Variants in POLA2 observed in about 807,000 individuals in gnomAD.
The protein encoded by POLA2 is DNA polymerase alpha subunit B.
POLA2 carries 47 observed loss-of-function variants against 82.8 expected under a neutral mutation model. That is an observed-to-expected ratio of 0.57 (90% CI 0.45 to 0.72). The LOEUF (loss-of-function observed/expected upper bound fraction) is 0.72. POLA2 is among the 30% of genes least tolerant of loss of function. The pLI, the probability that POLA2 is intolerant of heterozygous loss-of-function variation, is 0.00. For missense variants in POLA2, 634 were observed against 728.1 expected (o/e 0.87, Z 1.49); for synonymous variants, 287 against 286.8 (o/e 1.00, Z -0.01).
At position 65,275,994 on chromosome 11, in the gene POLA2, C is replaced by G. The variant is rs776274770; in HGVS notation, c.457C>G (p.Pro153Ala). Reference protein sequence around the residue: ...HQLLSPSSFSPSATPSQKYNS... With the variant: ...HQLLSPSSFSASATPSQKYNS... ...GCTACTCTCACCGTCAAGTTTCTCT[C>G]CAAGGTATGGATCATAATTCATTCA... Residue 153 changes from proline (P) to alanine (A), a missense_variant, in exon 5 of 18, where the codon CCA (proline) becomes GCA (alanine). Physicochemically the swap from Pro to Ala is conservative, Grantham distance 27 (BLOSUM62 -1). Transcript: ENST00000265465. The G allele has an allele frequency of 1.8e-5, 28 of 1,585,912 alleles. No individual in the cohort carries two copies. The highest frequency in any genetic ancestry group is 2.3e-5 in the Non-Finnish European group (27 of 1,160,524).
Position 65,262,105 on chromosome 11 carries a change from C to G in POLA2, c.-188C>G. ...CCTTCATTTTTTAAAAAAAGTATTT[C>G]TCTGTGACCGACGGCCGGGGCCTTC... On this transcript the variant is annotated 5_prime_UTR_variant, in exon 1 of 18. Coordinates refer to ENST00000265465, the MANE Select transcript of POLA2 (RefSeq NM_002689.4). The G allele has an allele frequency of 1.7e-6, 1 of 576,558 alleles. No individual in the cohort carries two copies. The highest frequency in any genetic ancestry group is 2.1e-5 in the South Asian group (1 of 47,720). 35.7% of individuals were successfully genotyped at this position (576,558 alleles called of 1,614,324 possible).
exon 9 of POLA2, chr11:65,305,586 A>G (rs1427614940): frequency 8.3e-6 from 3 of 361,696 alleles, no homozygotes; most frequent in African/African-American, 6.4e-5. Flanking sequence ...AGGCGGGAGG[A>G]TGGCTTAAGC....
intron 5 of POLA2, among the ~76,000 whole-genome samples, 199 bp from the exon 6 acceptor site, chr11:65,278,531 G>C (rs1266417796): frequency 1.3e-5 from 2 of 152,176 alleles, no homozygotes; most frequent in Non-Finnish European, 2.9e-5. Context: ...GTATTCCTCA[G>C]CCTGGTATTC....
chr11:65,285,446 T>TA (rs1336603781), intron 10 of POLA2, among the ~76,000 whole-genome samples: 1 of 151,302 alleles, frequency 6.6e-6, no homozygotes, highest in Non-Finnish European at 1.5e-5. Context: ...CATGTGCCTA[T>TA]AGTCCCAGCA....
intron 8 of POLA2, 89 bp downstream of exon 8, chr11:65,281,236 C>A: frequency 1.5e-6 from 2 of 1,352,824 alleles, no homozygotes; most frequent in South Asian, 1.3e-5. Flanking sequence ...CTCCTCAGTT[C>A]CTGTCTCTGC....
chr11:65,264,262 T>C (rs1590888433), intron 1 of POLA2, among the ~76,000 whole-genome samples: 1 of 152,146 alleles, frequency 6.6e-6, no homozygotes, highest in South Asian at 2.1e-4. Flanking sequence ...AGAGATGGGG[T>C]TTCGCCATGT....
At chr11:65,274,802 A>G (rs191432599) in intron 4 of POLA2, among the ~76,000 whole-genome samples, 37 of 152,356 alleles carry the variant, frequency 2.4e-4, no homozygotes, top group African/African-American at 7.9e-4. Flanking sequence ...TATAATTTGT[A>G]TATTCTAATT....
chr11:65,294,067 C>A (rs1451402984), intron 13 of POLA2, 86 bp from the exon 14 acceptor site: 2 of 1,142,896 alleles, frequency 1.7e-6, no homozygotes, highest in Admixed American at 1.7e-5. Context: ...TGCCTCCAGC[C>A]TGAGGCATCC....
At chr11:65,289,928 T>G (rs1178089622) in intron 13 of POLA2, 56 bp downstream of exon 13, 2 of 1,182,500 alleles carry the variant, frequency 1.7e-6, no homozygotes, top group Non-Finnish European at 1.3e-6. Context: ...CTCCAGAGCT[T>G]CCCATTAAGA....
chr11:65,278,310 C>T (rs1949602586), intron 5 of POLA2, among the ~76,000 whole-genome samples: 1 of 152,094 alleles, frequency 6.6e-6, no homozygotes, highest in East Asian at 1.9e-4. Flanking sequence ...TTTATATATG[C>T]TCAGCAAGTT....
At chr11:65,300,732 G>A (rs1265495801), downstream of POLA2, among the ~76,000 whole-genome samples, 4 of 152,136 alleles carry the variant, frequency 2.6e-5, no homozygotes, top group Admixed American at 6.5e-5. Context: ...ACAGGCACCC[G>A]CCACCGTGCC....
intron 12 of POLA2, 50 bp downstream of exon 12, chr11:65,289,138 G>C (rs184716699): frequency 6.9e-6 from 10 of 1,457,048 alleles, no homozygotes; most frequent in Non-Finnish European, 9.5e-6. Context: ...ATCCAGTCAG[G>C]CTCTCACTTT....
chr11:65,273,308 C>A (rs991165459), intron 4 of POLA2, among the ~76,000 whole-genome samples: 1 of 152,130 alleles, frequency 6.6e-6, no homozygotes, highest in African/African-American at 2.4e-5. Context: ...GGCAACCCTC[C>A]GTCTCAAAAA....
At chr11:65,279,274 G>A (rs1034948215) in intron 6 of POLA2, among the ~76,000 whole-genome samples, 12 of 152,206 alleles carry the variant, frequency 7.9e-5, no homozygotes, top group African/African-American at 2.7e-4. Context: ...GTAAAGGGCA[G>A]ACTTGGAGAT....
chr11:65,292,348 G>A (rs939987592), intron 13 of POLA2, among the ~76,000 whole-genome samples: 1 of 152,242 alleles, frequency 6.6e-6, no homozygotes, highest in Non-Finnish European at 1.5e-5. Flanking sequence ...GACGTACGAG[G>A]TTGTGCAATG....
chr11:65,282,080 C>T (rs571028997), intron 9 of POLA2, among the ~76,000 whole-genome samples: 2 of 152,254 alleles, frequency 1.3e-5, no homozygotes, highest in South Asian at 2.1e-4. Context: ...GCCCAGAGGC[C>T]GAAAGGTTAC....
At chr11:65,294,912 G>A in intron 15 of POLA2, 2 of 349,640 alleles carry the variant, frequency 5.7e-6, no homozygotes, top group Non-Finnish European at 5.2e-6. Flanking sequence ...GCACTTAAAG[G>A]CATCAAAATT....
chr11:65,303,116 G>T (rs949945511), downstream of POLA2, among the ~76,000 whole-genome samples: 9 of 152,084 alleles, frequency 5.9e-5, no homozygotes, highest in Non-Finnish European at 1.2e-4. Flanking sequence ...GCCGAGGCGG[G>T]TGGATCATGA....
chr11:65,295,447 C>G (rs1949799784), intron 15 of POLA2, 93 bp from the exon 16 acceptor site: 3 of 1,144,136 alleles, frequency 2.6e-6, no homozygotes, highest in Non-Finnish European at 2.6e-6. Flanking sequence ...GGCCATTTAC[C>G]TTCTCTCTGG....
Sources: allele counts gnomAD v4.1 joint callset (sites outside exome capture counted in the v4.1 genomes callset), GRCh38; gene constraint gnomAD v4.1.1; transcripts MANE v1.5; gene names NCBI Gene and HGNC (gene_info 2026-07-23, HGNC 2026-07-21).